Variants in TENM3 observed in about 807,000 individuals in gnomAD.
TENM3 encodes the protein teneurin transmembrane protein 3.
A neutral mutation model predicts 255.1 loss-of-function variants in TENM3; 63 were observed. That is an observed-to-expected ratio of 0.25 (90% confidence interval 0.20 to 0.30). The LOEUF (loss-of-function observed/expected upper bound fraction) is 0.30. Ranked by LOEUF, TENM3 falls within the 10% of genes least tolerant of loss-of-function variation. The pLI, the probability that TENM3 is intolerant of heterozygous loss-of-function variation, is 1.00. For missense variants in TENM3, 2,929 were observed against 3,461.1 expected (o/e 0.85, Z 3.86); for synonymous variants, 1,306 against 1,322.3 (o/e 0.99, Z 0.27).
intron 3 of TENM3, among the ~76,000 whole-genome samples, chr4:182,530,508 G>A (rs1480361102): frequency 2.0e-5 from 3 of 152,290 alleles, no homozygotes; most frequent in South Asian, 4.1e-4. Flanking sequence ...AGAGTTCCTC[G>A]TCTTAGTACT....
At position 182,346,710 on chromosome 4, in the gene TENM3, G is replaced by T. The variant is rs184709394; in HGVS notation, c.292G>T (p.Ala98Ser). 8.0e-5 allele frequency: 129 copies of T among 1,613,700 alleles called. 1 individual carries two copies. The Admixed American group carries it at 2.1e-3, about 27-fold the overall frequency. Reference protein sequence around the residue: ...VCEPATRRGLAFCAEMGLPHR... With the variant: ...VCEPATRRGLSFCAEMGLPHR... Reference sequence around the variant, plus strand: ...TGAACCAGCAACTCGAAGAGGACTGGCATTTTGTGCGGAAATGGGGCTCCC... The same window carrying T: ...TGAACCAGCAACTCGAAGAGGACTGTCATTTTGTGCGGAAATGGGGCTCCC... Residue 98 changes from alanine to serine, a missense_variant, in exon 3 of 28, where the codon GCA becomes TCA. Transcript: ENST00000511685.
chr4:181,647,019 C>G, the TENM3 span, among the ~76,000 whole-genome samples: 1 of 152,056 alleles, frequency 6.6e-6, no homozygotes, highest in Non-Finnish European at 1.5e-5. Flanking sequence ...ATGAGTAAAG[C>G]GCCCCAAGAA....
intron 12 of TENM3, among the ~76,000 whole-genome samples, chr4:182,701,210 C>CCTTTTTTTTTTTT (rs1757831816): frequency 2.6e-5 from 1 of 38,644 alleles, no homozygotes; most frequent in Non-Finnish European, 4.3e-5. Context: ...CAACTCTTGA[C>CCTTTTTTTTTTTT]TTTTTTTTTT....
intron 3 of TENM3, among the ~76,000 whole-genome samples, chr4:182,474,939 A>C (rs2151476491): frequency 6.6e-6 from 1 of 152,282 alleles, no homozygotes; most frequent in Admixed American, 6.5e-5. Flanking sequence ...GTTGCAAGTC[A>C]CATTGTCCCA....
intron 1 of TENM3, among the ~76,000 whole-genome samples, chr4:182,165,523 G>A (rs533087723): frequency 9.5e-4 from 145 of 152,248 alleles, no homozygotes; most frequent in Non-Finnish European, 1.7e-3. Context: ...CTGAGTCAGC[G>A]GTTAACTGAG....
chr4:181,602,955 G>C, the TENM3 span, among the ~76,000 whole-genome samples: 3 of 152,186 alleles, frequency 2.0e-5, no homozygotes, highest in Non-Finnish European at 4.4e-5. Flanking sequence ...ACCAATCAGT[G>C]GTTGCTCATT....
At chr4:182,173,394 G>A (rs1275662333) in intron 1 of TENM3, among the ~76,000 whole-genome samples, 1 of 152,140 alleles carries the variant, frequency 6.6e-6, no homozygotes, top group African/African-American at 2.4e-5. Flanking sequence ...GCATTTAGTA[G>A]GAAGTTGTGG....
At chr4:181,847,556 A>G in the TENM3 span, among the ~76,000 whole-genome samples, 9 of 152,118 alleles carry the variant, frequency 5.9e-5, no homozygotes, top group Non-Finnish European at 5.9e-5. Context: ...GGGGAAAAAC[A>G]TTATATTGAT....
chr4:181,544,531 C>G, the TENM3 span, among the ~76,000 whole-genome samples: 1 of 151,936 alleles, frequency 6.6e-6, no homozygotes, highest in Non-Finnish European at 1.5e-5. Flanking sequence ...GTCTCACCTA[C>G]CCCTGCCGCC....
the TENM3 span, among the ~76,000 whole-genome samples, chr4:181,531,800 C>T: frequency 6.6e-6 from 1 of 152,168 alleles, no homozygotes; most frequent in African/African-American, 2.4e-5. Context: ...GTGCAGAAGG[C>T]TTCCCTGAGG....
At chr4:182,507,228 A>G (rs1037824083) in intron 3 of TENM3, among the ~76,000 whole-genome samples, 5 of 152,250 alleles carry the variant, frequency 3.3e-5, no homozygotes, top group African/African-American at 1.2e-4. Flanking sequence ...AATGAATGCT[A>G]ACATTTTTCT....
At chr4:182,550,994 G>A (rs1347234555) in intron 3 of TENM3, among the ~76,000 whole-genome samples, 3 of 152,260 alleles carry the variant, frequency 2.0e-5, no homozygotes, top group African/African-American at 4.8e-5. Context: ...GCCAAGATGG[G>A]TGGATCACTT....
At chr4:182,079,040 G>A in the TENM3 span, among the ~76,000 whole-genome samples, 1 of 152,156 alleles carries the variant, frequency 6.6e-6, no homozygotes, top group African/African-American at 2.4e-5. Flanking sequence ...GTGTAACTGA[G>A]GCTTTGACAT....
chr4:182,061,913 C>T, the TENM3 span, among the ~76,000 whole-genome samples: 1 of 152,172 alleles, frequency 6.6e-6, no homozygotes, highest in African/African-American at 2.4e-5. Context: ...GCCATCATTG[C>T]ACCCCTGCAC....
intron 1 of TENM3, among the ~76,000 whole-genome samples, chr4:182,212,339 G>A (rs1028975376): frequency 2.0e-5 from 3 of 152,204 alleles, no homozygotes; most frequent in African/African-American, 7.2e-5. Context: ...ATCAGGCAGA[G>A]AGTGGAACAA....
chr4:181,756,680 C>T, the TENM3 span, among the ~76,000 whole-genome samples: 470 of 152,300 alleles, frequency 3.1e-3, 5 homozygotes, highest in African/African-American at 0.01. Flanking sequence ...AACTGCTGCA[C>T]GAAAGCAAAT....
chr4:182,547,142 C>T lies in TENM3; in HGVS notation c.512-53782C>T, dbSNP rs534935236. 7.2e-5 allele frequency among the ~76,000 whole-genome samples: 11 copies of T among 152,176 alleles called. No individual in the cohort carries two copies. The South Asian group carries it at 1.2e-3, about 17-fold the overall frequency. Reference sequence around the variant, plus strand: ...ATTTGTTTAGCAGAACAGAGAATTACGGTAAAACAGAGGCATGGTACAAGC... The same window carrying T: ...ATTTGTTTAGCAGAACAGAGAATTATGGTAAAACAGAGGCATGGTACAAGC... On this transcript the variant is annotated intron_variant, in intron 3 of 27. Coordinates refer to ENST00000511685, the MANE Select transcript of TENM3 (RefSeq NM_001080477.4).
the TENM3 span, among the ~76,000 whole-genome samples, chr4:182,011,940 G>C: frequency 2.0e-5 from 3 of 152,152 alleles, no homozygotes; most frequent in Non-Finnish European, 4.4e-5. Context: ...GTGTTATGGG[G>C]AATCACAGAC....
intron 1 of TENM3, among the ~76,000 whole-genome samples, chr4:182,293,974 T>C (rs901406424): frequency 5.9e-5 from 9 of 152,024 alleles, no homozygotes; most frequent in Non-Finnish European, 5.9e-5. Context: ...TGTGGGGAGA[T>C]ATATTTTGGG....
Sources: allele counts gnomAD v4.1 joint callset (sites outside exome capture counted in the v4.1 genomes callset), GRCh38; gene constraint gnomAD v4.1.1; transcripts MANE v1.5; gene names NCBI Gene and HGNC (gene_info 2026-07-23, HGNC 2026-07-21).